SLCO1B3: variants seen among roughly 807,000 people sequenced by gnomAD.
SLCO1B3 encodes the protein liver-specific organic anion transporter 2.
SLCO1B3 carries 72 observed loss-of-function variants against 71.8 expected under a neutral mutation model. That is an observed-to-expected ratio of 1.00 (90% confidence interval 0.83 to 1.22). The LOEUF (loss-of-function observed/expected upper bound fraction) is 1.22, where lower values mean the gene tolerates loss of function less well. Ranked by LOEUF, SLCO1B3 falls within the 50% of genes most tolerant of loss-of-function variation. SLCO1B3 has a pLI of 0.00. For synonymous variants in SLCO1B3, 298 were observed against 278.4 expected (o/e 1.07, Z -0.70); for missense variants, 911 against 819.7 (o/e 1.11, Z -1.36).
chr12:20,843,668 C>T (rs1864847599), intron 3 of SLCO1B3, among the ~76,000 whole-genome samples: 1 of 151,996 alleles, frequency 6.6e-6, no homozygotes, highest in African/African-American at 2.4e-5. Flanking sequence ...ATAGTCCCAG[C>T]TACTCAGGAG....
intron 8 of SLCO1B3, among the ~76,000 whole-genome samples, chr12:20,863,602 T>G (rs1216537179): frequency 6.6e-6 from 1 of 152,146 alleles, no homozygotes; most frequent in East Asian, 1.9e-4. Flanking sequence ...GGGGTTTAGA[T>G]TTCCTCTTTC....
chr12:20,878,743 G>A (rs757866005), intron 10 of SLCO1B3, among the ~76,000 whole-genome samples: 3 of 152,066 alleles, frequency 2.0e-5, no homozygotes, highest in Non-Finnish European at 4.4e-5. Context: ...TTTTTTGTTA[G>A]AGGAATCTTC....
intron 8 of SLCO1B3, 84 bp from the exon 9 acceptor site, chr12:20,875,151 G>A (rs1865550535): frequency 1.4e-6 from 2 of 1,446,928 alleles, no homozygotes; most frequent in Non-Finnish European, 1.9e-6. Flanking sequence ...ATCTATGGAG[G>A]ACTGCAATCA....
chr12:20,860,792 C>G (rs960609426), intron 5 of SLCO1B3, among the ~76,000 whole-genome samples: 1 of 152,008 alleles, frequency 6.6e-6, no homozygotes, highest in Non-Finnish European at 1.5e-5. Context: ...AGGTGATAAC[C>G]CACTTTGTTC....
At chr12:20,819,028 G>T (rs1241313527) in intron 3 of SLCO1B3, among the ~76,000 whole-genome samples, 4 of 152,250 alleles carry the variant, frequency 2.6e-5, no homozygotes, top group Non-Finnish European at 5.9e-5. Flanking sequence ...TATGAGAAAT[G>T]TAGAGAGTGA....
chr12:20,822,383 G>C (rs962073089), intron 3 of SLCO1B3, among the ~76,000 whole-genome samples: 10 of 152,102 alleles, frequency 6.6e-5, no homozygotes, highest in African/African-American at 1.2e-4. Flanking sequence ...GGGCAGGGGC[G>C]GGGGTCACAA....
At chr12:20,821,317 A>C (rs896339952) in intron 3 of SLCO1B3, among the ~76,000 whole-genome samples, 2 of 152,134 alleles carry the variant, frequency 1.3e-5, no homozygotes, top group South Asian at 4.1e-4. Flanking sequence ...ATTTGTAACT[A>C]CTGTCGAGTT....
At chr12:20,892,488 A>G (rs1022699864) in intron 13 of SLCO1B3, among the ~76,000 whole-genome samples, 4 of 152,178 alleles carry the variant, frequency 2.6e-5, no homozygotes, top group Admixed American at 6.5e-5. Flanking sequence ...GAAACTGACA[A>G]TGCAGAAAAG....
intron 13 of SLCO1B3, among the ~76,000 whole-genome samples, chr12:20,886,142 CCTGAGCT>C (rs1865788798): frequency 6.6e-6 from 1 of 151,906 alleles, no homozygotes; most frequent in African/African-American, 2.4e-5. Flanking sequence ...AAGGTTCTGG[CCTGAGCT>C]CTGGAAAGAT....
rs1482993171 is a variant in SLCO1B3, at chr12:20,916,110, G to C, written c.1972G>C (p.Ala658Pro). The C allele has an allele frequency of 1.2e-6, 2 of 1,613,334 alleles. No homozygotes were observed. Among genetic ancestry groups the C allele is most frequent in the Non-Finnish European group, 8.5e-7 (1 of 1,179,536 alleles). ...AAAATTTCAAGGAAAAGATACCAAG[G>C]CATCGGACAATGAAAGAAAAGTAAT... ...KKKFQGKDTK[A>P]SDNERKVMDE... Residue 658 changes from alanine (A) to proline (P), a missense_variant, in exon 16 of 16, where the codon GCA becomes CCA. Physicochemically the swap from Ala to Pro is conservative, Grantham distance 27. Transcript: ENST00000381545.
At chr12:20,911,622 G>A (rs562756817) in intron 15 of SLCO1B3, among the ~76,000 whole-genome samples, 1 of 152,288 alleles carries the variant, frequency 6.6e-6, no homozygotes, top group African/African-American at 2.4e-5. Flanking sequence ...AACAGATATA[G>A]ATCTATTCAG....
chr12:20,832,662 T>C (rs1864569499), intron 3 of SLCO1B3, among the ~76,000 whole-genome samples: 1 of 152,184 alleles, frequency 6.6e-6, no homozygotes, highest in Non-Finnish European at 1.5e-5. Flanking sequence ...TTGCTGTTTC[T>C]CAAACATGCC....
chr12:20,905,735 A>G (rs1336457592), intron 15 of SLCO1B3, among the ~76,000 whole-genome samples: 1 of 152,186 alleles, frequency 6.6e-6, no homozygotes, highest in African/African-American at 2.4e-5. Flanking sequence ...CACTAGCAGC[A>G]TTTTGGTCAA....
At chr12:20,838,802 G>A (rs1449788363) in intron 3 of SLCO1B3, among the ~76,000 whole-genome samples, 1 of 152,006 alleles carries the variant, frequency 6.6e-6, no homozygotes, top group Non-Finnish European at 1.5e-5. Context: ...CATGATTGTA[G>A]TTGAATTAAT....
At chr12:20,904,400 A>G (rs372512739) in intron 15 of SLCO1B3, among the ~76,000 whole-genome samples, 5 of 152,224 alleles carry the variant, frequency 3.3e-5, no homozygotes, top group South Asian at 4.2e-4. Context: ...AAGCTCCAAA[A>G]TGATCTCCTT....
At chr12:20,911,826 A>T (rs1387614434) in intron 15 of SLCO1B3, among the ~76,000 whole-genome samples, 1 of 152,130 alleles carries the variant, frequency 6.6e-6, no homozygotes, top group Non-Finnish European at 1.5e-5. Context: ...CCTCCTTTTT[A>T]TCTAAATTAG....
In SLCO1B3 at chr12:20,877,696, T is replaced by G. The variant is rs4149138; in HGVS notation, c.971-76T>G. The stretch of plus-strand genomic sequence containing the variant: ...AAATCATTTGTAACTTTAAGTCTTA[T>G]ATAACTTATATTTACAAAATTCAGA... On this transcript the variant is annotated intron_variant, in intron 9 of 15. Transcript: ENST00000381545. 1.5e-5 allele frequency: 9 copies of G among 608,188 alleles called. No homozygotes were observed. In the East Asian group the frequency reaches 3.6e-4, roughly 25 times the overall value. 37.7% of individuals were successfully genotyped at this position (608,188 alleles called of 1,614,324 possible). A position where few individuals can be genotyped will look rare whatever the true frequency, so the allele number is the denominator to read the frequency against.
intron 3 of SLCO1B3, among the ~76,000 whole-genome samples, chr12:20,829,124 A>G (rs779014390): frequency 1.3e-5 from 2 of 152,234 alleles, no homozygotes; most frequent in African/African-American, 4.8e-5. Flanking sequence ...AAAGACTGAA[A>G]CAACAAAAAC....
intron 3 of SLCO1B3, among the ~76,000 whole-genome samples, chr12:20,825,509 G>A (rs1864401944): frequency 6.6e-6 from 1 of 152,012 alleles, no homozygotes; most frequent in Admixed American, 6.6e-5. Flanking sequence ...TAATTTAACA[G>A]AATAGGCTGG....
Sources: gnomAD v4.1 joint callset for allele counts (sites outside exome capture counted in the v4.1 genomes callset) on GRCh38, gnomAD v4.1.1 for gene constraint, MANE v1.5 for transcripts, NCBI Gene and HGNC (gene_info 2026-07-23, HGNC 2026-07-21) for gene names.